The following ZFHX3 variants were observed in gnomAD, a reference collection of about 807,000 sequenced individuals.
ZFHX3 encodes the protein zinc finger homeobox protein 3.
ZFHX3 carries 42 observed loss-of-function variants against 279.1 expected under a neutral mutation model. That is an observed-to-expected ratio of 0.15 (90% confidence interval 0.12 to 0.19). The LOEUF (loss-of-function observed/expected upper bound fraction) is 0.19. Among genes scored for constraint, ZFHX3 ranks in the 10% least tolerant of loss-of-function variants. The pLI, the probability that ZFHX3 is intolerant of heterozygous loss-of-function variation, is 1.00. For missense variants in ZFHX3, 4,981 were observed against 4,754.0 expected (o/e 1.05, Z -1.40); for synonymous variants, 2,293 against 1,957.8 (o/e 1.17, Z -4.52).
intron 8 of ZFHX3, among the ~76,000 whole-genome samples, chr16:73,082,610 CT>C (rs140993570): frequency 9.5e-4 from 144 of 151,564 alleles, no homozygotes; most frequent in Non-Finnish European, 6.5e-4. Flanking sequence ...AACTTACTTT[CT>C]TTTTTTTTGT....
chr16:73,376,705 G>A (rs1188277371), intron 3 of ZFHX3, among the ~76,000 whole-genome samples: 3 of 152,162 alleles, frequency 2.0e-5, no homozygotes, highest in Admixed American at 2.0e-4. Flanking sequence ...CGGATGGAAT[G>A]TGGCAGTCGT....
At chr16:73,252,197 A>G (rs1375615401) in intron 5 of ZFHX3, among the ~76,000 whole-genome samples, 1 of 152,206 alleles carries the variant, frequency 6.6e-6, no homozygotes, top group Non-Finnish European at 1.5e-5. Context: ...TTTCAACACA[A>G]AAGGGACATA....
intron 1 of ZFHX3, among the ~76,000 whole-genome samples, chr16:73,704,345 G>T (rs1322275098): frequency 6.6e-6 from 1 of 152,150 alleles, no homozygotes; most frequent in Non-Finnish European, 1.5e-5. Context: ...GTTCTTCAGG[G>T]AATGAACAAG....
At chr16:73,725,086 A>G (rs909114938) in intron 1 of ZFHX3, among the ~76,000 whole-genome samples, 1 of 152,234 alleles carries the variant, frequency 6.6e-6, no homozygotes, top group Non-Finnish European at 1.5e-5. Context: ...AAAGGGCCTC[A>G]GTCGAGATGT....
At chr16:72,942,279 C>T (rs1960446745) in intron 3 of ZFHX3, among the ~76,000 whole-genome samples, 1 of 152,186 alleles carries the variant, frequency 6.6e-6, no homozygotes, top group South Asian at 2.1e-4. Context: ...CCTAAAACAA[C>T]CGTAACACAA....
At chr16:73,291,472 A>G (rs1215578472) in intron 4 of ZFHX3, among the ~76,000 whole-genome samples, 2 of 152,228 alleles carry the variant, frequency 1.3e-5, no homozygotes, top group African/African-American at 2.4e-5. Context: ...GTGAAGGATC[A>G]TGTAAATCCC....
At chr16:73,432,830 G>A (rs537735068) in intron 3 of ZFHX3, among the ~76,000 whole-genome samples, 10 of 152,138 alleles carry the variant, frequency 6.6e-5, no homozygotes, top group South Asian at 2.1e-4. Context: ...ACAAGGCTCC[G>A]GATAGATGGG....
chr16:73,076,554 G>T (rs1597148872), intron 8 of ZFHX3, among the ~76,000 whole-genome samples: 1 of 152,310 alleles, frequency 6.6e-6, no homozygotes, highest in South Asian at 2.1e-4. Context: ...GAGCAGAGGG[G>T]ATATGTAAAT....
In ZFHX3 at chr16:73,603,159, T is replaced by C. The variant is rs1225760449; in HGVS notation, c.-1547+77021A>G. 2.0e-5 allele frequency among the ~76,000 whole-genome samples: 3 copies of C among 150,744 alleles called. No individual in the cohort carries two copies. The East Asian group carries it at 5.9e-4, about 30-fold the overall frequency. ...AATTAGCCGGGCGCAGTGGCGGGCG[T>C]CTGTAGTCCCAGCTACTCAGGAGGC... On this transcript the variant is annotated intron_variant, in intron 2 of 17. Transcript: ENST00000641206.
chr16:73,357,459 G>A (rs1295754323), intron 3 of ZFHX3, among the ~76,000 whole-genome samples: 1 of 152,148 alleles, frequency 6.6e-6, no homozygotes, highest in Non-Finnish European at 1.5e-5. Context: ...AGAGTACAGG[G>A]AAGGCCAGAG....
At chr16:73,481,840 T>A (rs927320844) in intron 2 of ZFHX3, among the ~76,000 whole-genome samples, 1 of 152,092 alleles carries the variant, frequency 6.6e-6, no homozygotes, top group African/African-American at 2.4e-5. Context: ...TTGTTTAAAA[T>A]ACGGCATACT....
chr16:73,092,472 G>C (rs1966095227), intron 8 of ZFHX3: 1 of 157,158 alleles, frequency 6.4e-6, no homozygotes. Context: ...TGAGACAACT[G>C]TGGGGAGAGC....
rs114759187 is a variant in ZFHX3 at position 73,135,462 on chromosome 16, C to G, written c.-1023-4368G>C. On this transcript the variant is annotated intron_variant, in intron 6 of 17. Coordinates refer to the ZFHX3 transcript ENST00000641206. ...AGGCCTGATGAGACTGTCCCTTATCCAAGGACAGAGAATAAAAGAACTCTT... is the reference window on the plus strand; with the variant it reads ...AGGCCTGATGAGACTGTCCCTTATCGAAGGACAGAGAATAAAAGAACTCTT... 7.0e-3 allele frequency among the ~76,000 whole-genome samples: 1,065 copies of G among 152,230 alleles called. 6 individuals carry two copies. The highest frequency in any genetic ancestry group is 0.025 in the African/African-American group (1,032 of 41,548).
At chr16:73,734,183 C>T (rs2053590853) in intron 1 of ZFHX3, among the ~76,000 whole-genome samples, 1 of 152,120 alleles carries the variant, frequency 6.6e-6, no homozygotes, top group South Asian at 2.1e-4. Context: ...CTGGCTTCAC[C>T]CACCCTCCCA....
chr16:73,858,266 A>T (rs958630581), intron 1 of ZFHX3, among the ~76,000 whole-genome samples: 2 of 152,200 alleles, frequency 1.3e-5, no homozygotes, highest in African/African-American at 4.8e-5. Flanking sequence ...CAAGACTGAG[A>T]ATCATAAATA....
At chr16:72,909,692 C>G (rs149888824) in intron 3 of ZFHX3, among the ~76,000 whole-genome samples, 1 of 151,808 alleles carries the variant, frequency 6.6e-6, no homozygotes, top group Non-Finnish European at 1.5e-5. Flanking sequence ...GCCTGGGCAA[C>G]GTGGTGAAAC....
intron 3 of ZFHX3, among the ~76,000 whole-genome samples, chr16:73,435,900 C>T (rs961721806): frequency 2.6e-5 from 4 of 152,228 alleles, no homozygotes; most frequent in Non-Finnish European, 5.9e-5. Context: ...GTGTCTGCAC[C>T]AGAGCCCTGT....
intron 4 of ZFHX3, among the ~76,000 whole-genome samples, chr16:72,843,235 G>A (rs1039115036): frequency 1.3e-5 from 2 of 152,114 alleles, no homozygotes; most frequent in South Asian, 4.2e-4. Context: ...GTGGGGCCAG[G>A]CACAGTGGCT....
chr16:73,700,992 C>A (rs572031984), intron 1 of ZFHX3, among the ~76,000 whole-genome samples: 3 of 152,234 alleles, frequency 2.0e-5, no homozygotes, highest in South Asian at 4.1e-4. Context: ...GGACTCTGTT[C>A]TTTTAAACTT....
Sources: allele counts gnomAD v4.1 joint callset (sites outside exome capture counted in the v4.1 genomes callset), GRCh38; gene constraint gnomAD v4.1.1; transcripts MANE v1.5; gene names NCBI Gene and HGNC (gene_info 2026-07-23, HGNC 2026-07-21).